The following NTRK3 variants were observed in gnomAD, a reference collection of about 807,000 sequenced individuals.
NTRK3 encodes the protein NT-3 growth factor receptor.
In NTRK3, 24 loss-of-function variants were observed where a neutral mutation model predicts 91.7. That is an observed-to-expected ratio of 0.26 (90% CI 0.19 to 0.37). NTRK3 has a LOEUF of 0.37. Among genes scored for constraint, NTRK3 ranks in the 10% least tolerant of loss-of-function variants. The probability of loss-of-function intolerance (pLI) is 1.00; values close to 1 mark genes in which losing one functional copy is unlikely to be tolerated. For missense variants in NTRK3, 880 were observed against 1,068.9 expected, an observed-to-expected ratio of 0.82 and a Z score of 2.46; for synonymous variants, 483 against 404.0, an observed-to-expected ratio of 1.20 and a Z score of -2.34.
At chr15:88,139,011 AT>A (rs2151237803) in intron 6 of NTRK3, among the ~76,000 whole-genome samples, 2 of 152,344 alleles carry the variant, frequency 1.3e-5, no homozygotes, top group African/African-American at 4.8e-5. Context: ...GACCAGCTTT[AT>A]TCTTTCATAA....
chr15:87,947,724 G>A (rs943596056), intron 14 of NTRK3, among the ~76,000 whole-genome samples: 4 of 152,146 alleles, frequency 2.6e-5, no homozygotes, highest in Admixed American at 2.0e-4. Context: ...GAGAGGAAGG[G>A]AGGATCTGTG....
chr15:88,168,645 T>C (rs1333870002), intron 5 of NTRK3, among the ~76,000 whole-genome samples: 1 of 152,192 alleles, frequency 6.6e-6, no homozygotes, highest in Non-Finnish European at 1.5e-5. Context: ...CACTGCCTCC[T>C]GCAGGGAGTG....
At chr15:87,978,038 T>A (rs1395088858) in intron 14 of NTRK3, 1 of 233,480 alleles carries the variant, frequency 4.3e-6, no homozygotes, top group Non-Finnish European at 8.5e-6. Flanking sequence ...GTGGGCAGCC[T>A]ATGCTGACTT....
At chr15:87,863,876 T>C (rs1239122713) in exon 19 of NTRK3, 2 of 231,838 alleles carry the variant, frequency 8.6e-6, no homozygotes, top group Non-Finnish European at 1.7e-5. Context: ...TATTGTCACA[T>C]TCTGAGAAAA....
chr15:88,136,747 A>G (rs774223511), intron 7 of NTRK3, 138 bp from the exon 8 acceptor site: 279 of 1,050,514 alleles, frequency 2.7e-4, no homozygotes, highest in Non-Finnish European at 3.7e-4. Flanking sequence ...TTCTTGGAAG[A>G]CCCGCAAATC....
chr15:87,871,010 A>T (rs1165623552), exon 19 of NTRK3: 3 of 230,772 alleles, frequency 1.3e-5, no homozygotes, highest in Non-Finnish European at 2.6e-5. Context: ...GGTTCAAGAC[A>T]TTATCTCCTA....
chr15:87,971,250 T>C (rs1017760770), intron 14 of NTRK3, among the ~76,000 whole-genome samples: 60 of 152,142 alleles, frequency 3.9e-4, no homozygotes, highest in African/African-American at 1.4e-3. Flanking sequence ...CAGCTCTATA[T>C]CTGGCTCCCT....
At chr15:88,177,040 T>C (rs1253659510) in intron 5 of NTRK3, among the ~76,000 whole-genome samples, 1 of 152,146 alleles carries the variant, frequency 6.6e-6, no homozygotes, top group Admixed American at 6.5e-5. Flanking sequence ...TTGGGTCAGA[T>C]GGGCCAACAG....
At chr15:87,869,287 G>A (rs555369661) in exon 19 of NTRK3, 139 of 230,706 alleles carry the variant, frequency 6.0e-4, no homozygotes, top group South Asian at 3.5e-3. Context: ...GGGAGAGGAG[G>A]GTTGCTGAGG....
At chr15:87,880,797 T>C (rs2065201115) in intron 17 of NTRK3, among the ~76,000 whole-genome samples, 1 of 152,166 alleles carries the variant, frequency 6.6e-6, no homozygotes, top group East Asian at 1.9e-4. Context: ...TCACCAAGGA[T>C]CAGTATCTGC....
At chr15:88,085,503 G>A (rs1299270667) in intron 13 of NTRK3, among the ~76,000 whole-genome samples, 1 of 152,170 alleles carries the variant, frequency 6.6e-6, no homozygotes, top group Non-Finnish European at 1.5e-5. Flanking sequence ...GAAACATGGG[G>A]CACACCAGCA....
chr15:88,024,088 G>C (rs1217896895), intron 14 of NTRK3, among the ~76,000 whole-genome samples: 1 of 152,208 alleles, frequency 6.6e-6, no homozygotes, highest in Admixed American at 6.5e-5. Flanking sequence ...CAGGCTCTGT[G>C]CTCCCCACCA....
intron 5 of NTRK3, among the ~76,000 whole-genome samples, chr15:88,172,065 G>A (rs181176171): frequency 2.6e-5 from 4 of 152,352 alleles, no homozygotes; most frequent in Admixed American, 2.6e-4. Flanking sequence ...CCATCTGGGA[G>A]ACCCAGTACC....
At chr15:87,975,973 G>A (rs1453052869) in intron 14 of NTRK3, among the ~76,000 whole-genome samples, 1 of 152,026 alleles carries the variant, frequency 6.6e-6, no homozygotes, top group Non-Finnish European at 1.5e-5. Context: ...CCTCCATGAG[G>A]CCAATGCTAT....
intron 17 of NTRK3, among the ~76,000 whole-genome samples, chr15:87,881,068 A>C (rs1207176809): frequency 6.6e-6 from 1 of 152,234 alleles, no homozygotes; most frequent in Non-Finnish European, 1.5e-5. Flanking sequence ...AAATAGCCTA[A>C]GGAGGATATC....
At chr15:88,105,024 T>A (rs988424933) in intron 13 of NTRK3, among the ~76,000 whole-genome samples, 40 of 152,316 alleles carry the variant, frequency 2.6e-4, no homozygotes, top group African/African-American at 8.7e-4. Flanking sequence ...CATGGATTGA[T>A]GTCTCAATTC....
chr15:88,129,678 A>G (rs2053620946), intron 10 of NTRK3, among the ~76,000 whole-genome samples: 1 of 152,214 alleles, frequency 6.6e-6, no homozygotes, highest in African/African-American at 2.4e-5. Context: ...CTAAAAAGTA[A>G]GAAAGTGCTC....
chr15:87,947,429 C>T (rs569874458), intron 14 of NTRK3, among the ~76,000 whole-genome samples: 12 of 152,288 alleles, frequency 7.9e-5, no homozygotes, highest in Middle Eastern at 3.4e-3. Context: ...TTGGTAGAAA[C>T]CAATAACATC....
chr15:87,870,847 T>G (rs1490346797), exon 19 of NTRK3: 1 of 225,632 alleles, frequency 4.4e-6, no homozygotes, highest in Non-Finnish European at 8.8e-6. Flanking sequence ...TATTAGAAAC[T>G]TCCAGCTTTG....
Sources: gnomAD v4.1 joint callset for allele counts (sites outside exome capture counted in the v4.1 genomes callset) on GRCh38, gnomAD v4.1.1 for gene constraint, MANE v1.5 for transcripts, NCBI Gene and HGNC (gene_info 2026-07-23, HGNC 2026-07-21) for gene names.